Variants in ZFHX3 observed in about 807,000 individuals in gnomAD.
The protein encoded by ZFHX3 is zinc finger homeobox 3, also known as zinc finger homeobox protein 3.
Under a neutral mutation model 279.1 loss-of-function variants are expected in ZFHX3, and 42 were observed. The ratio of observed to expected loss-of-function variants is 0.15; its 90% CI spans 0.12 to 0.19. ZFHX3 has a LOEUF of 0.19. Ranked by LOEUF, ZFHX3 falls within the 10% of genes least tolerant of loss-of-function variation. The probability of loss-of-function intolerance (pLI) is 1.00; values close to 1 mark genes in which losing one functional copy is unlikely to be tolerated. For synonymous variants in ZFHX3, 2,293 were observed against 1,957.8 expected (o/e 1.17, Z -4.52); for missense variants, 4,981 against 4,754.0 (o/e 1.05, Z -1.40).
intron 2 of ZFHX3, among the ~76,000 whole-genome samples, chr16:73,593,793 G>T (rs1293360560): frequency 6.6e-6 from 1 of 152,084 alleles, no homozygotes; most frequent in African/African-American, 2.4e-5. Context: ...AAAGAAAAAT[G>T]ATAACAGTTT....
rs1416595319 is a variant in ZFHX3, at chr16:72,919,606, C to T, written c.3217-29644G>A. On this transcript the variant is annotated intron_variant, in intron 3 of 9. Transcript: ENST00000268489. ...ACAGAAAGAAATGTATAAATCATCA[C>T]ATTCTATCACTAATGTGAACATTTT... Among the ~76,000 whole-genome samples, 159 of 151,786 alleles carry T rather than the reference C, an allele frequency of 1.0e-3. 4 individuals carry two copies. Among genetic ancestry groups the T allele is most frequent in the Admixed American group, 0.01 (153 of 15,234 alleles).
chr16:72,794,863 G>C lies in ZFHX3; in HGVS notation c.7819C>G (p.Pro2607Ala), dbSNP rs755051589. The change falls in exon 9 of 10, where the codon CCA (proline) becomes GCA (alanine). Residue 2607 changes from proline (P) to alanine (A), a missense_variant. This residue lies in a region of ZFHX3 where 744 missense variants were observed against 701.3 expected (regional missense o/e 1.06). Coordinates refer to ENST00000268489, the MANE Select transcript of ZFHX3 (RefSeq NM_006885.4). The surrounding 1 kb of genome is among the most constrained non-coding windows in gnomAD (Gnocchi z 4.2). ...PASSATSPST[P>A]TSTMNTLKRK... ...TTGAGAGTGTTCATTGTGGAGGTTG[G>C]AGTTGAAGGAGAAGTGGCTGAGCTT... 1.2e-6 allele frequency: 2 copies of C among 1,613,834 alleles called. No homozygotes were observed. The highest frequency in any genetic ancestry group is 2.2e-5 in the East Asian group (1 of 44,874).
chr16:73,882,904 T>C (rs12103165), intron 1 of ZFHX3, among the ~76,000 whole-genome samples: 6,123 of 152,214 alleles, frequency 0.04, 388 homozygotes, highest in African/African-American at 0.13. Flanking sequence ...AGGAAGCTTG[T>C]GGGTCATTTG....
chr16:72,812,789 A>T (rs1416216462), intron 5 of ZFHX3, among the ~76,000 whole-genome samples: 6 of 152,216 alleles, frequency 3.9e-5, no homozygotes, highest in Non-Finnish European at 8.8e-5. Flanking sequence ...CACCAAAAAA[A>T]CCAAACGCTA....
intron 2 of ZFHX3, among the ~76,000 whole-genome samples, chr16:73,476,130 C>G (rs567302675): frequency 6.6e-6 from 1 of 152,234 alleles, no homozygotes; most frequent in African/African-American, 2.4e-5. Flanking sequence ...TTGCAAGCTT[C>G]ATTTTCAACA....
intron 3 of ZFHX3, among the ~76,000 whole-genome samples, chr16:73,337,483 C>T (rs1366764764): frequency 6.6e-6 from 1 of 152,144 alleles, no homozygotes; most frequent in Non-Finnish European, 1.5e-5. Context: ...TTCTCCAAAG[C>T]CTCCTTTGAG....
chr16:73,138,485 T>G (rs141362439), intron 6 of ZFHX3, among the ~76,000 whole-genome samples: 1 of 151,232 alleles, frequency 6.6e-6, no homozygotes, highest in Non-Finnish European at 1.5e-5. Flanking sequence ...GCAAGAAGAG[T>G]AGGAGGCAGG....
At chr16:73,448,194 T>C (rs766663466) in intron 3 of ZFHX3, among the ~76,000 whole-genome samples, 29 of 152,140 alleles carry the variant, frequency 1.9e-4, no homozygotes, top group Non-Finnish European at 3.8e-4. Context: ...TGCCAAAAGA[T>C]TATACATTAA....
intron 5 of ZFHX3, among the ~76,000 whole-genome samples, chr16:73,176,633 C>A (rs2144873612): frequency 6.8e-6 from 1 of 147,014 alleles, no homozygotes; most frequent in East Asian, 2.0e-4. Flanking sequence ...TTTCCTTAAA[C>A]CTCCATGCAC....
chr16:72,868,012 T>C (rs2038065202), intron 4 of ZFHX3, among the ~76,000 whole-genome samples: 2 of 152,216 alleles, frequency 1.3e-5, no homozygotes, highest in Admixed American at 1.3e-4. Flanking sequence ...GGATAGATTC[T>C]GGACAAAAGT....
chr16:72,838,397 C>A (rs967031446), intron 4 of ZFHX3, among the ~76,000 whole-genome samples: 9 of 152,192 alleles, frequency 5.9e-5, no homozygotes, highest in Admixed American at 2.6e-4. Context: ...CCCAGCTCAA[C>A]AAGAATGCAA....
intron 2 of ZFHX3, among the ~76,000 whole-genome samples, chr16:73,474,129 T>TTTTATTTATTTATTTA (rs578092478): frequency 1.3e-5 from 2 of 148,704 alleles, no homozygotes; most frequent in Non-Finnish European, 3.0e-5. Context: ...TCTCGCTCTT[T>TTTTATTTATTTATTTA]TTTATTTATT....
At chr16:73,509,356 C>A (rs2019382712) in intron 2 of ZFHX3, among the ~76,000 whole-genome samples, 1 of 152,006 alleles carries the variant, frequency 6.6e-6, no homozygotes, top group Non-Finnish European at 1.5e-5. Flanking sequence ...TTCTCCCCCT[C>A]CACCCCCTAA....
At chr16:73,173,188 C>T (rs1395762569) in intron 5 of ZFHX3, among the ~76,000 whole-genome samples, 4 of 151,852 alleles carry the variant, frequency 2.6e-5, no homozygotes, top group Admixed American at 6.6e-5. Flanking sequence ...GAGGGGAAGA[C>T]TGAGGGGAGG....
At chr16:73,866,243 G>A (rs376703714) in intron 1 of ZFHX3, among the ~76,000 whole-genome samples, 12 of 131,852 alleles carry the variant, frequency 9.1e-5, no homozygotes, top group African/African-American at 2.8e-4. Context: ...GCAGTGGTAC[G>A]ATCTCGGCTC....
chr16:73,124,711 A>G (rs1966541217), intron 7 of ZFHX3, among the ~76,000 whole-genome samples: 1 of 152,202 alleles, frequency 6.6e-6, no homozygotes, highest in Admixed American at 6.5e-5. Flanking sequence ...GTCAGGGTTC[A>G]GGGAAACACA....
chr16:73,662,058 A>C (rs2052791259), intron 2 of ZFHX3, among the ~76,000 whole-genome samples: 1 of 149,494 alleles, frequency 6.7e-6, no homozygotes. Context: ...CAGGGTTGCC[A>C]AGCCAGGCTG....
chr16:73,120,869 T>C (rs946285224), intron 7 of ZFHX3, among the ~76,000 whole-genome samples: 4 of 151,988 alleles, frequency 2.6e-5, no homozygotes, highest in African/African-American at 9.7e-5. Flanking sequence ...TTAGCCAGCA[T>C]GGTCTTGATA....
chr16:73,423,861 C>CAAAAAAAAAAAAAAAAAAAAAAAAA (rs34917527), intron 3 of ZFHX3, among the ~76,000 whole-genome samples: 1 of 136,730 alleles, frequency 7.3e-6, no homozygotes. Flanking sequence ...GACTCCATCT[C>CAAAAAAAAAAAAAAAAAAAAAAAAA]AAAAAAAAAA....
Sources: allele counts gnomAD v4.1 joint callset (sites outside exome capture counted in the v4.1 genomes callset), GRCh38; gene constraint gnomAD v4.1.1; regional missense constraint gnomAD v4.1.1; non-coding constraint Gnocchi (gnomAD v3.1); transcripts MANE v1.5; gene names NCBI Gene and HGNC (gene_info 2026-07-23, HGNC 2026-07-21).